Variants in TELO2 observed in about 807,000 individuals in gnomAD.
The protein encoded by TELO2 is telomere maintenance 2.
In TELO2, 71 loss-of-function variants were observed where a neutral mutation model predicts 91.0. The ratio of observed to expected loss-of-function variants is 0.78; its 90% CI spans 0.64 to 0.95. The LOEUF is 0.95. Ranked by LOEUF, TELO2 falls within the 40% of genes least tolerant of loss-of-function variation. TELO2 has a pLI of 0.00. For synonymous variants in TELO2, 584 were observed against 518.9 expected, an observed-to-expected ratio of 1.13 and a Z score of -1.71; for missense variants, 1,183 against 1,141.3, an observed-to-expected ratio of 1.04 and a Z score of -0.53.
In TELO2 at chr16:1,509,913, C is replaced by T. The variant is rs747953233; in HGVS notation, c.2491C>T (p.Leu831Phe). Residue 831 changes from leucine to phenylalanine, a missense_variant, in exon 21 of 21, where the codon CTC becomes TTC. Coordinates refer to ENST00000262319, the MANE Select transcript of TELO2 (RefSeq NM_016111.4). ...LLLLQRLKNR[L>F]LPPASP ...GCTTCTGCAGAGACTCAAGAACAGGCTCCTCCCACCCGCGTCTCCCTAGTC... is the reference window on the plus strand; with the variant it reads ...GCTTCTGCAGAGACTCAAGAACAGGTTCCTCCCACCCGCGTCTCCCTAGTC... The T allele has an allele frequency of 6.2e-6, 10 of 1,606,092 alleles. No individual in the cohort carries two copies. The South Asian group carries it at 8.9e-5, about 14-fold the overall frequency.
At chr16:1,508,258 G>A (rs2039981356) in intron 20 of TELO2, among the ~76,000 whole-genome samples, 1 of 152,148 alleles carries the variant, frequency 6.6e-6, no homozygotes, top group African/African-American at 2.4e-5. Context: ...TCAGCCTCCT[G>A]AGTAGCTGGG....
Position 1,494,819 on chromosome 16 carries a change from C to G in TELO2, c.335+203C>G, listed in dbSNP as rs887334220. Reference sequence around the variant, plus strand: ...CACCTGCTGTGTCTCACAAAGTCCCCCACTTGCTCCCCGTCCGGCTGTGTC... The same window carrying G: ...CACCTGCTGTGTCTCACAAAGTCCCGCACTTGCTCCCCGTCCGGCTGTGTC... On this transcript the variant is annotated intron_variant, in intron 2 of 20. Coordinates refer to ENST00000262319, the MANE Select transcript of TELO2 (RefSeq NM_016111.4). This position sits in a 1 kb window ranked among gnomAD's most constrained non-coding sequence, Gnocchi z 5.6. Among the ~76,000 whole-genome samples, 1 of 152,216 alleles carries G rather than the reference C, an allele frequency of 6.6e-6. No homozygotes were observed. Among genetic ancestry groups the G allele is most frequent in the Non-Finnish European group, 1.5e-5 (1 of 68,032 alleles).
Position 1,510,256 on chromosome 16 carries a change from G to C in TELO2, c.*320G>C, listed in dbSNP as rs1248846388. 3 of 383,124 alleles carry C rather than the reference G, an allele frequency of 7.8e-6. No homozygotes were observed. The highest frequency in any genetic ancestry group is 1.5e-5 in the Non-Finnish European group (3 of 202,380). The allele number at this position is 383,124 out of a possible 1,614,324, so 23.7% of individuals were successfully genotyped here. A position where few individuals can be genotyped will look rare whatever the true frequency, so the allele number is the denominator to read the frequency against. On this transcript the variant is annotated 3_prime_UTR_variant, in exon 21 of 21. Transcript: ENST00000262319. ...AGGAGGGGAGGACGGTGTACCTGCT[G>C]CTCAGAGCCCCCAAGGCTCTCCTCT...
intron 17 of TELO2, chr16:1,506,549 G>A: frequency 7.0e-7 from 1 of 1,427,366 alleles, no homozygotes; most frequent in Admixed American, 2.7e-5. Flanking sequence ...CTGCTCCGAT[G>A]CTGGGCTTGT....
intron 15 of TELO2, among the ~76,000 whole-genome samples, chr16:1,503,887 T>C (rs1488525381): frequency 1.3e-5 from 2 of 152,052 alleles, no homozygotes; most frequent in Admixed American, 1.3e-4. Flanking sequence ...ATCCCAGTGC[T>C]GTGGGAGACC....
chr16:1,501,907 C>T (rs1294643789), intron 11 of TELO2, 134 bp downstream of exon 11: 27 of 1,439,626 alleles, frequency 1.9e-5, no homozygotes, highest in East Asian at 4.6e-5. Context: ...TGTGAGGGCC[C>T]GCAGCTCCCA....
At chr16:1,496,825 G>A (rs959849367) in intron 3 of TELO2, among the ~76,000 whole-genome samples, 1 of 152,252 alleles carries the variant, frequency 6.6e-6, no homozygotes, top group Non-Finnish European at 1.5e-5. Context: ...GGCTAAGATG[G>A]GTGAAGGTTT....
In TELO2 at chr16:1,502,681, GA is replaced by G. The variant is rs2039736814; in HGVS notation, c.1691del (p.Glu564GlyfsTer32). ...GCTGGCCAAGGTGCTTCTGCATCTGGAGGAGAAGACCTGTGTGGTGGGATTT... is the reference window on the plus strand; with the variant it reads ...GCTGGCCAAGGTGCTTCTGCATCTGGGGAGAAGACCTGTGTGGTGGGATTT... ...VELAKVLLHL[E>X]EKTCVVGFAG... On this transcript the variant is annotated frameshift_variant, in exon 14 of 21. Coordinates refer to ENST00000262319, the MANE Select transcript of TELO2 (RefSeq NM_016111.4). LOFTEE classifies it high-confidence loss of function. 6.2e-7 allele frequency: 1 copy of G among 1,612,626 alleles called. No homozygotes were observed.
chr16:1,509,202 C>T (rs921345579), intron 20 of TELO2, among the ~76,000 whole-genome samples: 8 of 152,192 alleles, frequency 5.3e-5, no homozygotes, highest in South Asian at 2.1e-4. Context: ...GTCCCTCAGC[C>T]GATCCCTTTC....
rs773470759 is a variant in TELO2, at chr16:1,500,322, C to T, written c.1003-25C>T. The T allele has an allele frequency of 3.2e-6, 5 of 1,562,628 alleles. No individual in the cohort carries two copies. In the East Asian group the frequency reaches 7.0e-5, roughly 22 times the overall value. On this transcript the variant is annotated intron_variant, in intron 7 of 20. Transcript: ENST00000262319. The stretch of plus-strand genomic sequence containing the variant: ...GGACAGACTGGCCCCGAGCCCCACA[C>T]AGTCGTGGGCCATGCCACCTGCAGG...
chr16:1,498,961 G>A (rs575301144), intron 5 of TELO2, among the ~76,000 whole-genome samples: 2 of 152,192 alleles, frequency 1.3e-5, no homozygotes, highest in Admixed American at 6.5e-5. Context: ...GCCTCCGCCC[G>A]GGCTGAGGTG....
chr16:1,496,955 C>CTAGGT (rs2039513749), intron 3 of TELO2, 81 bp from the exon 4 acceptor site: 1 of 1,428,266 alleles, frequency 7.0e-7, no homozygotes, highest in Non-Finnish European at 9.7e-7. Flanking sequence ...TCCGCCTGAC[C>CTAGGT]GAGAGCAGCT....
chr16:1,502,018 C>A lies in TELO2; in HGVS notation c.1473-29C>A, dbSNP rs759989654. ...GGCACTTCCTGTCACAGGCCATGGG[C>A]TGCTCATGTCTGCTTTGCTCTCCCA... On this transcript the variant is annotated intron_variant, in intron 11 of 20. Transcript: ENST00000262319. 1.9e-6 allele frequency: 3 copies of A among 1,612,850 alleles called. No individual in the cohort carries two copies. In the South Asian group the frequency reaches 3.3e-5, roughly 18 times the overall value.
At chr16:1,506,678 A>T (rs1733861308) in intron 17 of TELO2, 5 of 1,371,086 alleles carry the variant, frequency 3.6e-6, no homozygotes, top group Non-Finnish European at 4.7e-6. Flanking sequence ...GAGGCTCTCG[A>T]GATGGCAGAG....
chr16:1,499,209 G>GGACCCTGACTCT (rs1164276092), intron 5 of TELO2, 22 bp from the exon 6 acceptor site: 1 of 1,613,192 alleles, frequency 6.2e-7, no homozygotes, highest in African/African-American at 1.3e-5. Flanking sequence ...TTGCAGCTCT[G>GGACCCTGACTCT]GCCCCTGACT....
At chr16:1,499,947 G>A (rs115745958) in intron 6 of TELO2, 149 bp from the exon 7 acceptor site, 39 of 891,234 alleles carry the variant, frequency 4.4e-5, no homozygotes, top group African/African-American at 1.4e-4. Flanking sequence ...GAGGGGTCCC[G>A]CATTCCAGGA....
intron 20 of TELO2, 56 bp downstream of exon 20, chr16:1,507,772 G>T: frequency 2.2e-6 from 3 of 1,342,082 alleles, no homozygotes; most frequent in South Asian, 2.6e-5. Context: ...GGGTGTGTGT[G>T]TATGTGTGTG....
rs766643663 is a variant in TELO2 at position 1,501,512 on chromosome 16, G to GC, written c.1361+19dup. The GC allele has an allele frequency of 1.9e-5, 31 of 1,602,396 alleles. No individual in the cohort carries two copies. Among genetic ancestry groups the GC allele is most frequent in the Non-Finnish European group, 2.4e-5 (28 of 1,174,114 alleles). On this transcript the variant is annotated intron_variant, in intron 10 of 20. Transcript: ENST00000262319. ...CCTCGGAGGCGGGGTGAGGGTCTCT[G>GC]CCCCCCGGGACCCCACCGCGTGCAC...
At chr16:1,507,094 T>C (rs1567306646) in intron 18 of TELO2, 43 bp downstream of exon 18, 3 of 1,559,366 alleles carry the variant, frequency 1.9e-6, no homozygotes, top group Non-Finnish European at 2.6e-6. Context: ...GTGCTAACCA[T>C]GGATCAGGAG....
Sources: allele counts gnomAD v4.1 joint callset (sites outside exome capture counted in the v4.1 genomes callset), GRCh38; gene constraint gnomAD v4.1.1; non-coding constraint Gnocchi (gnomAD v3.1); transcripts MANE v1.5; gene names NCBI Gene and HGNC (gene_info 2026-07-23, HGNC 2026-07-21).